HERC5: variants seen among roughly 807,000 people sequenced by gnomAD.
The protein encoded by HERC5 is HECT and RLD domain containing E3 ubiquitin protein ligase 5, also known as E3 ISG15--protein ligase HERC5.
Under a neutral mutation model 119.6 loss-of-function variants are expected in HERC5, and 99 were observed. The ratio of observed to expected loss-of-function variants is 0.83; its 90% CI spans 0.70 to 0.98. The LOEUF (loss-of-function observed/expected upper bound fraction) is 0.98, where lower values mean the gene tolerates loss of function less well. HERC5 is among the 50% of genes least tolerant of loss of function. The pLI, the probability that HERC5 is intolerant of heterozygous loss-of-function variation, is 0.00. For synonymous variants in HERC5, 478 were observed against 445.9 expected, an observed-to-expected ratio of 1.07 and a Z score of -0.91; for missense variants, 1,267 against 1,241.3, an observed-to-expected ratio of 1.02 and a Z score of -0.31.
chr4:88,468,209 C>T (rs1740742272), intron 7 of HERC5, 137 bp from the exon 8 acceptor site: 2 of 613,776 alleles, frequency 3.3e-6, no homozygotes, highest in Non-Finnish European at 5.4e-6. Context: ...GCTTAATTGG[C>T]AGAAAATGTA....
At chr4:88,463,021 A>T (rs1227667622) in intron 4 of HERC5, among the ~76,000 whole-genome samples, 1 of 152,214 alleles carries the variant, frequency 6.6e-6, no homozygotes, top group Non-Finnish European at 1.5e-5. Context: ...TGCAATGGTC[A>T]TTACACAGAA....
chr4:88,494,563 C>T (rs951133637), intron 18 of HERC5, among the ~76,000 whole-genome samples: 2 of 152,194 alleles, frequency 1.3e-5, no homozygotes, highest in South Asian at 4.1e-4. Context: ...TCAACTTTTT[C>T]TGTGTAGGAA....
intron 3 of HERC5, 51 bp from the exon 4 acceptor site, chr4:88,462,084 T>C (rs1412031017): frequency 2.7e-6 from 4 of 1,465,040 alleles, no homozygotes; most frequent in Non-Finnish European, 2.8e-6. Context: ...TAGGGTAATG[T>C]CTGCTGCATT....
chr4:88,464,011 TTGA>T, intron 6 of HERC5, 26 bp downstream of exon 6: 1 of 1,599,488 alleles, frequency 6.3e-7, no homozygotes, highest in South Asian at 1.1e-5. Context: ...TCAATAAGAA[TTGA>T]TAAAATGAGT....
intron 2 of HERC5, among the ~76,000 whole-genome samples, 162 bp downstream of exon 2, chr4:88,459,632 G>T (rs1237738005): frequency 6.6e-6 from 1 of 152,080 alleles, no homozygotes; most frequent in Non-Finnish European, 1.5e-5. Context: ...CCCCAGGGCA[G>T]GTATCATGTG....
rs765341196 is a variant in HERC5, at chr4:88,479,402, G to C, written c.1632G>C (p.Gln544His). The change falls in exon 13 of 23, where the codon CAG becomes CAC. Residue 544 changes from glutamine to histidine, a missense_variant. This residue lies in a region of HERC5 where 777 missense variants were observed against 758.0 expected (regional missense o/e 1.03). Transcript: ENST00000264350. ...AATCCACTTTCAGCAAACTGGTCCA[G>C]ATGTTTAAAACAGCCGTCATATGCC... Reference protein sequence around the residue: ...LQESTFSKLVQMFKTAVICQL... With the variant: ...LQESTFSKLVHMFKTAVICQL... 2.5e-6 allele frequency: 4 copies of C among 1,613,074 alleles called. 1 individual carries two copies. The South Asian group carries it at 4.4e-5, about 18-fold the overall frequency.
At chr4:88,496,705 T>C (rs997487296) in intron 18 of HERC5, among the ~76,000 whole-genome samples, 1 of 152,238 alleles carries the variant, frequency 6.6e-6, no homozygotes, top group Non-Finnish European at 1.5e-5. Flanking sequence ...GAATGATCTT[T>C]CTCACCTTTG....
At chr4:88,505,310 C>G (rs754553147) in intron 22 of HERC5, among the ~76,000 whole-genome samples, 2 of 152,162 alleles carry the variant, frequency 1.3e-5, no homozygotes, top group Non-Finnish European at 2.9e-5. Flanking sequence ...ATTCTGAACT[C>G]TTGGAAATCC....
intron 10 of HERC5, among the ~76,000 whole-genome samples, chr4:88,471,968 C>T (rs1740886843): frequency 7.0e-6 from 1 of 143,128 alleles, no homozygotes. Flanking sequence ...CTCCCTCCCT[C>T]CTTCCCTTCC....
intron 6 of HERC5, 66 bp from the exon 7 acceptor site, chr4:88,466,993 G>C: frequency 6.6e-7 from 1 of 1,512,604 alleles, no homozygotes; most frequent in South Asian, 1.2e-5. Context: ...GCAATTTACT[G>C]TATTGCTAAA....
intron 1 of HERC5, among the ~76,000 whole-genome samples, chr4:88,458,569 G>A (rs1332160982): frequency 1.3e-5 from 2 of 151,968 alleles, no homozygotes; most frequent in East Asian, 3.9e-4. Context: ...AAAAGAAACC[G>A]TTAGTCTGCT....
At chr4:88,480,582 G>A (rs887186709) in intron 13 of HERC5, among the ~76,000 whole-genome samples, 5 of 151,958 alleles carry the variant, frequency 3.3e-5, no homozygotes, top group African/African-American at 7.3e-5. Context: ...GATAAGCTAC[G>A]GATATGTGTG....
At chr4:88,480,189 C>T (rs77902409) in intron 13 of HERC5, among the ~76,000 whole-genome samples, 3,710 of 152,176 alleles carry the variant, frequency 0.024, 54 homozygotes, top group Non-Finnish European at 0.034. Flanking sequence ...TAATCATTCC[C>T]TTGCTCTTAC....
At chr4:88,467,019 G>C in intron 6 of HERC5, 40 bp from the exon 7 acceptor site, 1 of 1,602,836 alleles carries the variant, frequency 6.2e-7, no homozygotes, top group Non-Finnish European at 8.5e-7. Context: ...TCATCATTGT[G>C]GATAATTAAG....
chr4:88,465,398 A>G (rs1364703778), intron 6 of HERC5, among the ~76,000 whole-genome samples: 3 of 152,164 alleles, frequency 2.0e-5, no homozygotes, highest in Non-Finnish European at 4.4e-5. Context: ...GTTTACTGAA[A>G]CCATTCTTAT....
chr4:88,486,272 T>G (rs1247904636), intron 14 of HERC5, 44 bp downstream of exon 14: 1 of 1,175,122 alleles, frequency 8.5e-7, no homozygotes, highest in East Asian at 2.4e-5. Flanking sequence ...AATCAGTGAG[T>G]TAATACAGGC....
intron 1 of HERC5, among the ~76,000 whole-genome samples, chr4:88,458,566 A>G (rs1265544138): frequency 1.3e-5 from 2 of 152,030 alleles, no homozygotes; most frequent in African/African-American, 4.8e-5. Flanking sequence ...TTTAAAAGAA[A>G]CCGTTAGTCT....
chr4:88,462,271 C>G lies in HERC5; in HGVS notation c.603C>G (p.Ala201=). ...VPLAQISAGE[A]HSMALSMSGN... ...TGGCTCAGATTTCTGCCGGAGAAGC[C>G]CACAGCATGGCCTTATCCATGTCTG... Residue 201 remains alanine (A), a synonymous_variant, in exon 4 of 23, where the codon GCC becomes GCG. Coordinates refer to ENST00000264350, the MANE Select transcript of HERC5 (RefSeq NM_016323.4). 1 of 1,614,122 alleles carries G rather than the reference C, an allele frequency of 6.2e-7. No individual in the cohort carries two copies.
At chr4:88,485,991 G>A (rs1741447483) in intron 13 of HERC5, 124 bp from the exon 14 acceptor site, 1 of 491,000 alleles carries the variant, frequency 2.0e-6, no homozygotes. Context: ...GAATTGGATA[G>A]AATTTTATTC....
Sources: gnomAD v4.1 joint callset for allele counts (sites outside exome capture counted in the v4.1 genomes callset) on GRCh38, gnomAD v4.1.1 for gene constraint, gnomAD v4.1.1 regional missense constraint, MANE v1.5 for transcripts, NCBI Gene and HGNC (gene_info 2026-07-23, HGNC 2026-07-21) for gene names.